AEBP2: variants seen among roughly 807,000 people sequenced by gnomAD.
AEBP2 encodes zinc finger protein AEBP2.
Under a neutral mutation model 50.8 loss-of-function variants are expected in AEBP2, and 10 were observed. The observed-to-expected ratio is 0.20, with a 90% CI of 0.12 to 0.33. AEBP2 has a LOEUF of 0.33. AEBP2 is among the 10% of genes least tolerant of loss of function. The pLI is 1.00. For synonymous variants in AEBP2, 296 were observed against 261.3 expected, an observed-to-expected ratio of 1.13 and a Z score of -1.28; for missense variants, 570 against 688.0, an observed-to-expected ratio of 0.83 and a Z score of 1.92.
In AEBP2 at chr12:19,504,253, G is replaced by T. The variant is rs1336695911; in HGVS notation, c.1299+4032G>T. 2.7e-5 allele frequency among the ~76,000 whole-genome samples: 4 copies of T among 150,334 alleles called. No individual in the cohort carries two copies. In the Admixed American group the frequency reaches 2.7e-4, roughly 10 times the overall value. ...CTAGTATAGTTGTATATATTTTTTT[G>T]AGACGGAGTCTTGCTCTGTCGCCCA... On this transcript the variant is annotated intron_variant, in intron 5 of 7. Transcript: ENST00000266508.
chr12:19,455,180 A>T (rs1332611433), intron 1 of AEBP2, among the ~76,000 whole-genome samples: 1 of 150,898 alleles, frequency 6.6e-6, no homozygotes, highest in African/African-American at 2.4e-5. Context: ...TTTTTAAGAG[A>T]CAGGGTCTTG....
At chr12:19,501,637 GAAA>G (rs34429958) in intron 5 of AEBP2, among the ~76,000 whole-genome samples, 2 of 91,108 alleles carry the variant, frequency 2.2e-5, no homozygotes, top group Non-Finnish European at 3.2e-5. Flanking sequence ...ACCCTGTCTG[GAAA>G]AAAAAAAATT....
chr12:19,439,983 A>C lies in AEBP2; in HGVS notation c.284A>C (p.Glu95Ala). 6.6e-7 allele frequency: 1 copy of C among 1,521,652 alleles called. No individual in the cohort carries two copies. The allele number at this position is 1,521,652 out of a possible 1,614,324, so 94.3% of individuals were successfully genotyped here. ...PSPESASQAG[E>A]DEDEEEDDEE... ...CCCGAGAGCGCCAGCCAGGCCGGGG[A>C]GGACGAAGACGAGGAGGAGGACGAC... Residue 95 changes from glutamate (E) to alanine (A), a missense_variant, in exon 1 of 8, where the codon GAG becomes GCG. Transcript: ENST00000266508.
chr12:19,413,456 A>G, intron 1 of AEBP2: 2 of 1,092,160 alleles, frequency 1.8e-6, no homozygotes, highest in South Asian at 1.2e-5. Flanking sequence ...GAAGACGATT[A>G]TTGAACTACA....
At chr12:19,480,479 C>G (rs1734344240) in intron 3 of AEBP2, among the ~76,000 whole-genome samples, 1 of 152,172 alleles carries the variant, frequency 6.6e-6, no homozygotes, top group Non-Finnish European at 1.5e-5. Context: ...TCTTGTAGTG[C>G]TGGCTTGGTA....
At chr12:19,411,615 C>T (rs1390843039) in intron 1 of AEBP2, among the ~76,000 whole-genome samples, 1 of 152,152 alleles carries the variant, frequency 6.6e-6, no homozygotes, top group Admixed American at 6.5e-5. Flanking sequence ...GTGCCTGGCA[C>T]AAGTAAAGAC....
intron 4 of AEBP2, among the ~76,000 whole-genome samples, chr12:19,496,857 G>A (rs999605272): frequency 2.6e-5 from 4 of 151,014 alleles, no homozygotes; most frequent in Non-Finnish European, 5.9e-5. Flanking sequence ...GTAGAAGTGG[G>A]GTTTTGTCTT....
intron 1 of AEBP2, among the ~76,000 whole-genome samples, chr12:19,415,678 A>C (rs187136703): frequency 6.4e-4 from 95 of 149,256 alleles, no homozygotes; most frequent in African/African-American, 2.3e-3. Flanking sequence ...ATACAATACA[A>C]TACAATACAA....
intron 1 of AEBP2, among the ~76,000 whole-genome samples, chr12:19,450,292 A>G (rs1442272683): frequency 1.3e-5 from 2 of 151,950 alleles, no homozygotes; most frequent in Admixed American, 1.3e-4. Flanking sequence ...CAGTGGCCTA[A>G]GTTCTAAATT....
chr12:19,498,894 C>T (rs117828230), intron 4 of AEBP2, among the ~76,000 whole-genome samples: 2,052 of 152,052 alleles, frequency 0.013, 34 homozygotes, highest in Admixed American at 0.04. Flanking sequence ...GCCTATAGTC[C>T]TAGCTACTCA....
chr12:19,446,732 CAAAA>C (rs34624474), intron 1 of AEBP2, among the ~76,000 whole-genome samples: 22 of 115,014 alleles, frequency 1.9e-4, no homozygotes, highest in Non-Finnish European at 1.7e-4. Flanking sequence ...ACTCCGTTTC[CAAAA>C]AAAAAAAAAA....
chr12:19,512,177 A>G (rs1171903991), intron 5 of AEBP2, among the ~76,000 whole-genome samples: 1 of 151,386 alleles, frequency 6.6e-6, no homozygotes, highest in Admixed American at 6.6e-5. Context: ...GCCCACCACC[A>G]CTCCCGGCTA....
intron 3 of AEBP2, among the ~76,000 whole-genome samples, chr12:19,478,248 C>T (rs547170731): frequency 6.6e-6 from 1 of 152,254 alleles, no homozygotes; most frequent in Admixed American, 6.5e-5. Context: ...TTTCTTGTTT[C>T]TCTAGTTCCT....
At chr12:19,484,336 G>A (rs374680496) in intron 3 of AEBP2, among the ~76,000 whole-genome samples, 1 of 142,720 alleles carries the variant, frequency 7.0e-6, no homozygotes, top group African/African-American at 2.6e-5. Context: ...GACTTCTGGT[G>A]ATCCGCCTCC....
chr12:19,520,932 CA>C lies in AEBP2; in HGVS notation c.*2819del, dbSNP rs1249938720. 2 of 152,104 alleles carry C rather than the reference CA, an allele frequency of 1.3e-5. No homozygotes were observed. Among genetic ancestry groups the C allele is most frequent in the Admixed American group, 1.3e-4 (2 of 15,266 alleles). The allele number at this position is 152,104 out of a possible 1,614,324, so 9.4% of individuals were successfully genotyped here. On this transcript the variant is annotated 3_prime_UTR_variant, in exon 8 of 8. Coordinates refer to ENST00000266508, the MANE Select transcript of AEBP2 (RefSeq NM_153207.5). ...AACAATTAAGACTTTGTTTCATGCA[CA>C]AAATTATTAAAACTGTTGTATAAAA...
chr12:19,435,971 TG>T (rs1236362949), upstream of AEBP2, among the ~76,000 whole-genome samples: 3 of 152,024 alleles, frequency 2.0e-5, no homozygotes, highest in Non-Finnish European at 4.4e-5. Context: ...GAATACGGGA[TG>T]GGTAAAATAA....
chr12:19,453,291 GT>G (rs1356154618), intron 1 of AEBP2, among the ~76,000 whole-genome samples: 1 of 151,750 alleles, frequency 6.6e-6, no homozygotes. Flanking sequence ...TTTCTTAAAA[GT>G]TTTTTTGTAG....
intron 5 of AEBP2, among the ~76,000 whole-genome samples, chr12:19,505,411 A>G (rs1034170406): frequency 6.6e-6 from 1 of 152,270 alleles, no homozygotes; most frequent in Admixed American, 6.5e-5. Context: ...TGAACAAAAC[A>G]GATTAAAACC....
intron 4 of AEBP2, among the ~76,000 whole-genome samples, chr12:19,499,069 A>G (rs140957281): frequency 8.9e-4 from 135 of 152,304 alleles, no homozygotes; most frequent in African/African-American, 3.1e-3. Flanking sequence ...AAATGGCCTT[A>G]TGATTTATAA....
Sources: gnomAD v4.1 joint callset for allele counts (sites outside exome capture counted in the v4.1 genomes callset) on GRCh38, gnomAD v4.1.1 for gene constraint, MANE v1.5 for transcripts, NCBI Gene and HGNC (gene_info 2026-07-23, HGNC 2026-07-21) for gene names.